The following KCNN2 variants were observed in gnomAD, a reference collection of about 807,000 sequenced individuals.
KCNN2 encodes the protein small conductance calcium-activated potassium channel protein 2.
KCNN2 carries 24 observed loss-of-function variants against 55.5 expected under a neutral mutation model. The ratio of observed to expected loss-of-function variants is 0.43; its 90% CI spans 0.31 to 0.61. The LOEUF is 0.61. Among genes scored for constraint, KCNN2 ranks in the 20% least tolerant of loss-of-function variants. KCNN2 has a pLI of 0.08. For missense variants in KCNN2, 754 were observed against 853.6 expected (o/e 0.88, Z 1.45); for synonymous variants, 431 against 336.1 (o/e 1.28, Z -3.09).
chr5:114,394,381 T>G (rs1758553999), intron 2 of KCNN2, among the ~76,000 whole-genome samples: 2 of 152,272 alleles, frequency 1.3e-5, no homozygotes, highest in South Asian at 4.1e-4. Flanking sequence ...ATTAGGGAGG[T>G]TAGTCCTTTG....
intron 2 of KCNN2, among the ~76,000 whole-genome samples, chr5:114,288,093 T>C (rs1357497204): frequency 6.6e-6 from 1 of 152,224 alleles, no homozygotes; most frequent in Non-Finnish European, 1.5e-5. Context: ...AATGATGTTA[T>C]ACAACGTGTG....
intron 2 of KCNN2, among the ~76,000 whole-genome samples, chr5:114,370,034 C>T (rs1757716949): frequency 1.3e-5 from 2 of 152,080 alleles, no homozygotes; most frequent in South Asian, 4.1e-4. Context: ...AGAATTTCTA[C>T]TCATTAAGAA....
At chr5:114,335,901 G>A (rs950178975) in intron 2 of KCNN2, among the ~76,000 whole-genome samples, 2 of 152,184 alleles carry the variant, frequency 1.3e-5, no homozygotes, top group Non-Finnish European at 2.9e-5. Flanking sequence ...GGTCATGTGA[G>A]ATTAAGAATG....
intron 2 of KCNN2, among the ~76,000 whole-genome samples, chr5:114,309,410 A>G (rs1386505501): frequency 6.6e-6 from 1 of 152,160 alleles, no homozygotes. Context: ...ATTATATATT[A>G]CCCTGTAAGA....
intron 2 of KCNN2, among the ~76,000 whole-genome samples, chr5:114,225,737 A>T (rs184313746): frequency 1.3e-5 from 2 of 152,324 alleles, no homozygotes; most frequent in Admixed American, 1.3e-4. Flanking sequence ...AGAGATTCTA[A>T]AAGGGACAAA....
intron 1 of KCNN2, 126 bp from the exon 2 acceptor site, chr5:114,363,780 C>G: frequency 1.5e-6 from 1 of 665,506 alleles, no homozygotes; most frequent in South Asian, 1.8e-5. Context: ...ACAGGTGCAC[C>G]CCTCTCCCCT....
At chr5:114,427,056 G>A (rs144502417) in intron 3 of KCNN2, among the ~76,000 whole-genome samples, 1 of 152,202 alleles carries the variant, frequency 6.6e-6, no homozygotes, top group African/African-American at 2.4e-5. Context: ...GTGGGAACAT[G>A]ACCACCAGCC....
intron 1 of KCNN2, among the ~76,000 whole-genome samples, chr5:114,089,621 C>T (rs1043581083): frequency 5.9e-5 from 9 of 152,164 alleles, no homozygotes; most frequent in Admixed American, 1.3e-4. Flanking sequence ...GCTGCCTGTG[C>T]CCCCATGAAC....
intron 2 of KCNN2, among the ~76,000 whole-genome samples, chr5:114,278,148 C>G (rs1250499512): frequency 6.6e-6 from 1 of 152,150 alleles, no homozygotes; most frequent in African/African-American, 2.4e-5. Flanking sequence ...CACTCCAGAC[C>G]CTGTTTTCCT....
At chr5:114,304,405 C>G (rs1756227395) in intron 2 of KCNN2, among the ~76,000 whole-genome samples, 3 of 152,152 alleles carry the variant, frequency 2.0e-5, no homozygotes. Flanking sequence ...ACCATTTTTG[C>G]AGTGCAGTTG....
intron 1 of KCNN2, among the ~76,000 whole-genome samples, chr5:114,177,082 A>G (rs898197064): frequency 2.6e-5 from 4 of 152,056 alleles, no homozygotes; most frequent in African/African-American, 9.7e-5. Flanking sequence ...AACATTTTCA[A>G]ATTATTAAAT....
chr5:114,064,748 A>T (rs2632154), intron 1 of KCNN2, among the ~76,000 whole-genome samples: 148,579 of 152,340 alleles, frequency 0.98, 72,570 homozygotes, highest in Middle Eastern at 1. Context: ...AGTTCCTGTA[A>T]AAACAAGGAA....
chr5:114,414,873 G>C (rs1759257963), intron 3 of KCNN2, among the ~76,000 whole-genome samples: 1 of 152,126 alleles, frequency 6.6e-6, no homozygotes. Context: ...AAGTGTACAA[G>C]CCAAGAATTT....
chr5:114,181,886 C>A (rs768340960), intron 1 of KCNN2, among the ~76,000 whole-genome samples: 2 of 152,036 alleles, frequency 1.3e-5, no homozygotes, highest in African/African-American at 4.8e-5. Flanking sequence ...TTGTGGCGCA[C>A]GCCTGTAGTC....
rs182144869 is a variant in KCNN2 at position 114,194,863 on chromosome 5, G to C, written c.-270-26617G>C. On this transcript the variant is annotated intron_variant, in intron 1 of 10. Transcript: ENST00000512097. ...AATTTTGAATTAATTTGGGGGTATG[G>C]CATGAGAAAGGGCCTTGATTTAATT... Among the ~76,000 whole-genome samples, 426 of 146,268 alleles carry C rather than the reference G, an allele frequency of 2.9e-3. 3 individuals carry two copies. Among genetic ancestry groups the C allele is most frequent in the African/African-American group, 9.8e-3 (389 of 39,686 alleles).
At chr5:114,250,637 T>C (rs1352589519) in intron 2 of KCNN2, among the ~76,000 whole-genome samples, 1 of 152,142 alleles carries the variant, frequency 6.6e-6, no homozygotes, top group African/African-American at 2.4e-5. Context: ...TAGCTCGTAA[T>C]TGGGTCCTAT....
upstream of KCNN2, among the ~76,000 whole-genome samples, chr5:114,357,838 T>C (rs1359974693): frequency 1.3e-5 from 2 of 151,916 alleles, no homozygotes; most frequent in Non-Finnish European, 2.9e-5. Context: ...CTGGGTCAAA[T>C]GGTGTTTCCA....
chr5:114,138,060 C>T (rs1415079813), intron 1 of KCNN2, among the ~76,000 whole-genome samples: 1 of 152,010 alleles, frequency 6.6e-6, no homozygotes, highest in Non-Finnish European at 1.5e-5. Context: ...AGTTTACTGT[C>T]GTTGATATTT....
chr5:114,282,931 C>A (rs1416878078), intron 2 of KCNN2, among the ~76,000 whole-genome samples: 1 of 152,154 alleles, frequency 6.6e-6, no homozygotes, highest in Non-Finnish European at 1.5e-5. Context: ...GTCAAGGTAT[C>A]AGTTATAGTC....
Sources: allele counts gnomAD v4.1 joint callset (sites outside exome capture counted in the v4.1 genomes callset), GRCh38; gene constraint gnomAD v4.1.1; transcripts MANE v1.5; gene names NCBI Gene and HGNC (gene_info 2026-07-23, HGNC 2026-07-21).